CRB2: variants seen among roughly 807,000 people sequenced by gnomAD.
The protein encoded by CRB2 is protein crumbs homolog 2.
A neutral mutation model predicts 110.9 loss-of-function variants in CRB2; 85 were observed. That is an observed-to-expected ratio of 0.77 (90% CI 0.64 to 0.92). The LOEUF is 0.92. Ranked by LOEUF, CRB2 falls within the 40% of genes least tolerant of loss-of-function variation. The probability of loss-of-function intolerance (pLI) is 0.00; values close to 1 mark genes in which losing one functional copy is unlikely to be tolerated. For missense variants in CRB2, 1,843 were observed against 1,851.3 expected (o/e 1.00, Z 0.08); for synonymous variants, 907 against 831.0 (o/e 1.09, Z -1.57).
intron 4 of CRB2, 141 bp from the exon 5 acceptor site, chr9:123,367,031 G>A: frequency 1.3e-6 from 1 of 767,342 alleles, no homozygotes; most frequent in South Asian, 2.0e-5. Flanking sequence ...CATTCCTGCG[G>A]CCCTTAGTGT....
In CRB2 at chr9:123,373,489, G is replaced by GCGCGGCCTGGCC; in HGVS notation, c.2959_2970dup (p.Arg987_Ala990dup). The stretch of plus-strand genomic sequence containing the variant: ...ATGGTGCCGCCACCCCGGTGGCGCT[G>GCGCGGCCTGGCC]CGCGGCCTGGCCAGTGACCTGGGCT... On this transcript the variant is annotated inframe_insertion, in exon 10 of 13. Coordinates refer to ENST00000373631, the MANE Select transcript of CRB2 (RefSeq NM_173689.7). The GCGCGGCCTGGCC allele has an allele frequency of 6.9e-7, 1 of 1,451,006 alleles. No individual in the cohort carries two copies. Among genetic ancestry groups the GCGCGGCCTGGCC allele is most frequent in the Non-Finnish European group, 9.0e-7 (1 of 1,111,406 alleles). 89.9% of individuals were successfully genotyped at this position (1,451,006 alleles called of 1,614,324 possible). A position where few individuals can be genotyped will look rare whatever the true frequency, so the allele number is the denominator to read the frequency against.
upstream of CRB2, among the ~76,000 whole-genome samples, chr9:123,355,020 G>A (rs995278772): frequency 5.3e-5 from 8 of 152,240 alleles, no homozygotes; most frequent in Admixed American, 5.2e-4. Context: ...CAGGGCCTGC[G>A]TGGGCTGTAT....
At position 123,362,911 on chromosome 9, in the gene CRB2, C is replaced by A. The variant is rs138658467; in HGVS notation, c.141C>A (p.Cys47Ter). ...CCAGTGCCTGTGCCTCAGACCCGTG[C>A]GCTCCAGGGACCGAGTGCCAGGCTA... ...EPPSACASDPCAPGTECQATE... is the reference protein window; with the variant it reads ...EPPSACASDP The change falls in exon 2 of 13, where the codon TGC becomes TGA. Residue 47 changes from cysteine to a stop codon, truncating the protein, a stop_gained. Coordinates refer to ENST00000373631, the MANE Select transcript of CRB2 (RefSeq NM_173689.7). LOFTEE classifies it high-confidence loss of function. 1 of 1,597,922 alleles carries A rather than the reference C, an allele frequency of 6.3e-7. No homozygotes were observed. The highest frequency in any genetic ancestry group is 1.3e-5 in the African/African-American group (1 of 74,648).
Position 123,366,327 on chromosome 9 carries a change from C to T in CRB2, c.715C>T (p.Leu239Phe). 4 of 1,542,118 alleles carry T rather than the reference C, an allele frequency of 2.6e-6. No homozygotes were observed. The highest frequency in any genetic ancestry group is 3.5e-6 in the Non-Finnish European group (4 of 1,157,000). ...SAPCEHNASC[L>F]EGLGSFRCLC... is the part of the protein sequence containing the mutation. ...GCCCTGCGAGCACAACGCGTCCTGC[C>T]TCGAGGGCCTCGGGAGCTTCCGCTG... Residue 239 changes from leucine to phenylalanine, a missense_variant, in exon 4 of 13, where the codon CTC (leucine) becomes TTC (phenylalanine). Leu to Phe is a conservative substitution (Grantham distance 22). Transcript: ENST00000373631.
chr9:123,363,285 A>G, intron 2 of CRB2, 97 bp downstream of exon 2: 1 of 1,328,222 alleles, frequency 7.5e-7, no homozygotes, highest in Non-Finnish European at 1.0e-6. Context: ...CCTTTCGTGT[A>G]GGGACGCCCC....
At chr9:123,363,211 G>C (rs781380254) in intron 2 of CRB2, 23 bp downstream of exon 2, 1 of 1,581,518 alleles carries the variant, frequency 6.3e-7, no homozygotes, top group Non-Finnish European at 8.6e-7. Flanking sequence ...GCCGCCCTGG[G>C]AGGAGGTCTG....
At chr9:123,354,567 C>T (rs2132720742), upstream of CRB2, among the ~76,000 whole-genome samples, 1 of 152,356 alleles carries the variant, frequency 6.6e-6, no homozygotes, top group East Asian at 1.9e-4. Flanking sequence ...CTGAGCTGGG[C>T]TCGAACCCAG....
chr9:123,374,728 T>A, intron 11 of CRB2, 33 bp downstream of exon 11: 1 of 1,495,020 alleles, frequency 6.7e-7, no homozygotes, highest in Non-Finnish European at 9.2e-7. Flanking sequence ...TGTGAGGAGG[T>A]CCAATGAATG....
At position 123,373,350 on chromosome 9, in the gene CRB2, C is replaced by T. The variant is rs2042046088; in HGVS notation, c.2819C>T (p.Pro940Leu). Residue 940 changes from proline to leucine, a missense_variant, in exon 10 of 13, where the codon CCC becomes CTC. Transcript: ENST00000373631. ...AGGVRGGHGL[P>L]GAVLPIPGPR... ...GGCGTGCGCGGAGGCCATGGCCTGC[C>T]CGGCGCTGTGCTGCCCATACCGGGG... The T allele has an allele frequency of 6.9e-7, 1 of 1,439,116 alleles. No individual in the cohort carries two copies. The highest frequency in any genetic ancestry group is 9.1e-7 in the Non-Finnish European group (1 of 1,104,308). The allele number at this position is 1,439,116 out of a possible 1,614,324, so 89.1% of individuals were successfully genotyped here. A position where few individuals can be genotyped will look rare whatever the true frequency, so the allele number is the denominator to read the frequency against.
Position 123,366,252 on chromosome 9 carries a change from G to A in CRB2, c.640G>A (p.Gly214Ser), listed in dbSNP as rs777589772. 18 of 1,489,128 alleles carry A rather than the reference G, an allele frequency of 1.2e-5. No homozygotes were observed. The East Asian group carries it at 1.7e-4, about 14-fold the overall frequency. 92.2% of individuals were successfully genotyped at this position (1,489,128 alleles called of 1,614,324 possible). A position where few individuals can be genotyped will look rare whatever the true frequency, so the allele number is the denominator to read the frequency against. ...GTTCCGGTGCGACTGCGCGGGCACC[G>A]GCTACGAGGGCACGCACTGCGAGCG... ...NGFRCDCAGT[G>S]YEGTHCEREV... Residue 214 changes from glycine (G) to serine (S), a missense_variant, in exon 4 of 13, where the codon GGC becomes AGC. Physicochemically the swap from Gly to Ser is moderately conservative, Grantham distance 56. Coordinates refer to ENST00000373631, the MANE Select transcript of CRB2 (RefSeq NM_173689.7).
At chr9:123,356,188 G>C, upstream of CRB2, 1 of 1,057,878 alleles carries the variant, frequency 9.5e-7, no homozygotes, top group South Asian at 1.9e-5. Flanking sequence ...TTGGAGGGAC[G>C]AGGGGGGTGC....
chr9:123,371,148 A>G lies in CRB2; in HGVS notation c.2006A>G (p.Asn669Ser), dbSNP rs760399090. The change falls in exon 8 of 13, where the codon AAC becomes AGC. Residue 669 changes from asparagine to serine, a missense_variant. By Grantham distance (46) the Asn-to-Ser change is conservative. Coordinates refer to ENST00000373631, the MANE Select transcript of CRB2 (RefSeq NM_173689.7). ...SFLLQELPGP[N>S]LTVSFLLRTR... Reference sequence around the variant, plus strand: ...CTGCTCCAAGAGCTGCCAGGTCCCAACCTCACAGTGTCTTTCCTTCTCCGC... The same window carrying G: ...CTGCTCCAAGAGCTGCCAGGTCCCAGCCTCACAGTGTCTTTCCTTCTCCGC... The G allele has an allele frequency of 6.2e-6, 10 of 1,613,290 alleles. No homozygotes were observed. The East Asian group carries it at 6.7e-5, about 11-fold the overall frequency.
chr9:123,373,923 G>A lies in CRB2; in HGVS notation c.3389+3G>A, dbSNP rs1226162302. The stretch of plus-strand genomic sequence containing the variant: ...GGCTTCGGGGGCCCGCGCTGCAGGT[G>A]GGATGGCTGGGCAGGGGGGTGGGCT... On this transcript the variant is annotated splice_donor_region_variant and intron_variant, in intron 10 of 12. Coordinates refer to ENST00000373631, the MANE Select transcript of CRB2 (RefSeq NM_173689.7). 2.6e-6 allele frequency: 4 copies of A among 1,549,616 alleles called. No individual in the cohort carries two copies. The highest frequency in any genetic ancestry group is 1.2e-5 in the South Asian group (1 of 84,142).
chr9:123,373,493 G>T lies in CRB2; in HGVS notation c.2962G>T (p.Gly988Cys). 1 of 1,455,472 alleles carries T rather than the reference G, an allele frequency of 6.9e-7. No individual in the cohort carries two copies. The highest frequency in any genetic ancestry group is 2.9e-5 in the East Asian group (1 of 34,088). The allele number at this position is 1,455,472 out of a possible 1,614,324, so 90.2% of individuals were successfully genotyped here. Residue 988 changes from glycine (G) to cysteine (C), a missense_variant, in exon 10 of 13, where the codon GGC becomes TGC. By Grantham distance (159) the Gly-to-Cys change is radical (BLOSUM62 -3). Coordinates refer to ENST00000373631, the MANE Select transcript of CRB2 (RefSeq NM_173689.7). ...TGCCGCCACCCCGGTGGCGCTGCGC[G>T]GCCTGGCCAGTGACCTGGGCTTCCT... ...DGAATPVALR[G>C]LASDLGFLQG...
At chr9:123,368,168 C>T (rs1394999465) in intron 6 of CRB2, among the ~76,000 whole-genome samples, 1 of 152,126 alleles carries the variant, frequency 6.6e-6, no homozygotes, top group Non-Finnish European at 1.5e-5. Flanking sequence ...CACTGAACGT[C>T]CCTGCCCCCT....
chr9:123,354,774 G>A (rs983047280), upstream of CRB2, among the ~76,000 whole-genome samples: 5 of 152,200 alleles, frequency 3.3e-5, no homozygotes, highest in South Asian at 8.3e-4. Flanking sequence ...CAGGGGCAGT[G>A]GATAAGGAGT....
intron 12 of CRB2, 63 bp from the exon 13 acceptor site, chr9:123,376,775 C>A: frequency 6.9e-7 from 1 of 1,446,916 alleles, no homozygotes; most frequent in Non-Finnish European, 9.4e-7. Flanking sequence ...TCTCTGCTCT[C>A]TGAGGGCCCC....
At chr9:123,362,676 T>A (rs925959619) in intron 1 of CRB2, among the ~76,000 whole-genome samples, 189 bp from the exon 2 acceptor site, 1 of 152,210 alleles carries the variant, frequency 6.6e-6, no homozygotes, top group African/African-American at 2.4e-5. Flanking sequence ...CCTAAAACCG[T>A]TCCCAGTTCT....
In CRB2 at chr9:123,356,237, G is replaced by C. The variant is rs1564366394; in HGVS notation, c.-24G>C. 7.9e-7 allele frequency: 1 copy of C among 1,261,014 alleles called. No homozygotes were observed. Among genetic ancestry groups the C allele is most frequent in the East Asian group, 2.9e-5 (1 of 34,214 alleles). 78.1% of individuals were successfully genotyped at this position (1,261,014 alleles called of 1,614,324 possible). On this transcript the variant is annotated 5_prime_UTR_variant, in exon 1 of 13. Transcript: ENST00000373631. ...CCGCCCTCCCGTTCTCACAGCAGCC[G>C]AGCAGAGCGCAGAGCGGGCTGCCAT...
Sources: allele counts gnomAD v4.1 joint callset (sites outside exome capture counted in the v4.1 genomes callset), GRCh38; gene constraint gnomAD v4.1.1; transcripts MANE v1.5; gene names NCBI Gene and HGNC (gene_info 2026-07-23, HGNC 2026-07-21).